MAJIN: variants seen among roughly 807,000 people sequenced by gnomAD.
MAJIN encodes the protein membrane anchored junction protein.
In MAJIN, 27 loss-of-function variants were observed where a neutral mutation model predicts 30.2. The observed-to-expected ratio is 0.89, with a 90% CI of 0.66 to 1.23. The LOEUF (loss-of-function observed/expected upper bound fraction) is 1.23. MAJIN is among the 50% of genes most tolerant of loss of function. MAJIN has a pLI of 0.00. For synonymous variants in MAJIN, 78 were observed against 91.6 expected (o/e 0.85, Z 0.85); for missense variants, 253 against 260.3 (o/e 0.97, Z 0.19).
chr11:64,969,083 A>T (rs888188173), intron 1 of MAJIN, among the ~76,000 whole-genome samples: 1 of 152,208 alleles, frequency 6.6e-6, no homozygotes, highest in Non-Finnish European at 1.5e-5. Context: ...GATGGCTCTC[A>T]GATTTTTTTG....
At chr11:64,959,767 T>A (rs902326424) in intron 2 of MAJIN, among the ~76,000 whole-genome samples, 6 of 152,228 alleles carry the variant, frequency 3.9e-5, no homozygotes, top group Non-Finnish European at 7.3e-5. Flanking sequence ...AAGTATCTCT[T>A]GAATCTGTTC....
chr11:64,939,658 T>G lies in MAJIN; in HGVS notation c.*1+4A>C. The G allele has an allele frequency of 6.2e-7, 1 of 1,613,146 alleles. No individual in the cohort carries two copies. The highest frequency in any genetic ancestry group is 8.5e-7 in the Non-Finnish European group (1 of 1,179,222). Reference sequence around the variant, plus strand: ...AGTCTGATGCCGGACAGAAGCTGTCTTACCTTAGAAACCCAAAGAAGCCGG... The same window carrying G: ...AGTCTGATGCCGGACAGAAGCTGTCGTACCTTAGAAACCCAAAGAAGCCGG... On this transcript the variant is annotated splice_donor_region_variant and intron_variant, in intron 10 of 10. Transcript: ENST00000301896.
chr11:64,941,650 C>T (rs979634526), intron 8 of MAJIN, among the ~76,000 whole-genome samples: 5 of 151,688 alleles, frequency 3.3e-5, no homozygotes, highest in African/African-American at 9.7e-5. Flanking sequence ...GACTCCATCT[C>T]GAAAAAAAGA....
chr11:64,970,893 A>G lies in MAJIN; in HGVS notation c.-65+984T>C, dbSNP rs1945889519. On this transcript the variant is annotated intron_variant, in intron 1 of 10. Coordinates refer to ENST00000301896, the MANE Select transcript of MAJIN (RefSeq NM_001037225.3). ...AAATCAAGACATGATGTGACAGGAA[A>G]TGTTTCAGTGGAAAAAATCTTGTTT... 2.6e-5 allele frequency among the ~76,000 whole-genome samples: 4 copies of G among 152,258 alleles called. No individual in the cohort carries two copies. In the South Asian group the frequency reaches 8.3e-4, roughly 32 times the overall value.
chr11:64,966,350 C>T (rs1945809355), intron 1 of MAJIN, among the ~76,000 whole-genome samples: 1 of 151,602 alleles, frequency 6.6e-6, no homozygotes, highest in Non-Finnish European at 1.5e-5. Context: ...GCCTGGCCAA[C>T]ATGGTGAAAC....
chr11:64,971,512 G>C (rs1221512522), intron 1 of MAJIN, among the ~76,000 whole-genome samples: 5 of 151,894 alleles, frequency 3.3e-5, no homozygotes, highest in Admixed American at 6.6e-5. Flanking sequence ...GCTGGGTGTG[G>C]AGTGGGGAAA....
At chr11:64,948,649 T>C (rs1281366622) in intron 6 of MAJIN, among the ~76,000 whole-genome samples, 12 of 45,588 alleles carry the variant, frequency 2.6e-4, no homozygotes, top group African/African-American at 1.3e-3. Context: ...ATTTTTTTTT[T>C]TTTTTTTTTT....
rs769403285 is a variant in MAJIN at position 64,954,657 on chromosome 11, G to A, written c.147+100C>T. On this transcript the variant is annotated intron_variant, in intron 4 of 10. Coordinates refer to ENST00000301896, the MANE Select transcript of MAJIN (RefSeq NM_001037225.3). ...TAGCAGGAGGAAGCCAAGTTATCAA[G>A]TGGAGGTTGTGACTCAGTTTGTAGG... is the stretch of plus-strand genomic sequence containing the variant. 4 of 1,174,270 alleles carry A rather than the reference G, an allele frequency of 3.4e-6. No homozygotes were observed. The African/African-American group carries it at 6.1e-5, about 18-fold the overall frequency. The allele number at this position is 1,174,270 out of a possible 1,614,324, so 72.7% of individuals were successfully genotyped here.
At chr11:64,948,615 A>T (rs1325132764) in intron 6 of MAJIN, among the ~76,000 whole-genome samples, 1 of 29,440 alleles carries the variant, frequency 3.4e-5, no homozygotes, top group African/African-American at 2.3e-4. Flanking sequence ...ATATATATAT[A>T]TATATATATA....
chr11:64,948,604 TATATATATATATA>T lies in MAJIN; in HGVS notation c.350-798_350-786del, dbSNP rs1215524456. Among the ~76,000 whole-genome samples, 168 of 21,476 alleles carry T rather than the reference TATATATATATATA, an allele frequency of 7.8e-3. 6 individuals carry two copies. Among genetic ancestry groups the T allele is most frequent in the Middle Eastern group, 0.024 (1 of 42 alleles). 14.1% of individuals were successfully genotyped at this position (21,476 alleles called of 152,430 possible). A position where few individuals can be genotyped will look rare whatever the true frequency, so the allele number is the denominator to read the frequency against. ...ACCACCACCATGTCGGGCTACATCATATATATATATATATATATATATATATATATATATATTT... is the reference window on the plus strand; with the variant it reads ...ACCACCACCATGTCGGGCTACATCATTATATATATATATATATATATATTT... On this transcript the variant is annotated intron_variant, in intron 6 of 10. Transcript: ENST00000301896.
At chr11:64,946,190 G>A (rs771254890) in intron 8 of MAJIN, 2 of 1,518,146 alleles carry the variant, frequency 1.3e-6, no homozygotes, top group East Asian at 4.9e-5. Context: ...AATGTTACTG[G>A]CAGAGGCAAT....
chr11:64,952,188 CT>C (rs903004001), intron 4 of MAJIN, among the ~76,000 whole-genome samples: 1 of 149,774 alleles, frequency 6.7e-6, no homozygotes, highest in African/African-American at 2.5e-5. Context: ...CACGCCCGGC[CT>C]TTTTTTTTGA....
At chr11:64,966,144 T>TAAAAAAAAAAAAA (rs1945804233) in intron 1 of MAJIN, among the ~76,000 whole-genome samples, 1 of 10,388 alleles carries the variant, frequency 9.6e-5, no homozygotes, top group Admixed American at 7.0e-4. Flanking sequence ...AGATTAAAAA[T>TAAAAAAAAAAAAA]GAAAAAAAAA....
intron 4 of MAJIN, among the ~76,000 whole-genome samples, 184 bp from the exon 5 acceptor site, chr11:64,950,614 C>T (rs894741727): frequency 3.9e-5 from 6 of 152,002 alleles, no homozygotes; most frequent in Non-Finnish European, 8.8e-5. Context: ...GAGAGTCGTG[C>T]TTTGTGGCCC....
chr11:64,958,763 C>T lies in MAJIN; in HGVS notation c.101+542G>A, dbSNP rs537421406. Among the ~76,000 whole-genome samples, 4 of 152,092 alleles carry T rather than the reference C, an allele frequency of 2.6e-5. No individual in the cohort carries two copies. The East Asian group carries it at 7.7e-4, about 29-fold the overall frequency. On this transcript the variant is annotated intron_variant, in intron 3 of 10. Coordinates refer to ENST00000301896, the MANE Select transcript of MAJIN (RefSeq NM_001037225.3). ...TCCCAGGTTCAAGCAATTCTCCTGCCTCAGCCTCCTACCACCATGCCTGGC... is the reference window on the plus strand; with the variant it reads ...TCCCAGGTTCAAGCAATTCTCCTGCTTCAGCCTCCTACCACCATGCCTGGC...
chr11:64,962,640 GTC>G (rs1945745505), intron 1 of MAJIN, among the ~76,000 whole-genome samples: 2 of 152,170 alleles, frequency 1.3e-5, no homozygotes. Context: ...TTAGTCATTA[GTC>G]CCTGAGCAAG....
chr11:64,943,271 C>A (rs1347674784), intron 8 of MAJIN, among the ~76,000 whole-genome samples: 1 of 152,212 alleles, frequency 6.6e-6, no homozygotes, highest in Non-Finnish European at 1.5e-5. Context: ...CTGCTCCCTC[C>A]CATTTTTTAT....
intron 3 of MAJIN, among the ~76,000 whole-genome samples, chr11:64,955,030 T>A (rs1945610556): frequency 6.6e-6 from 1 of 152,254 alleles, no homozygotes; most frequent in Admixed American, 6.5e-5. Flanking sequence ...AAATTCCCAC[T>A]GTGAAAGTTA....
At position 64,949,839 on chromosome 11, in the gene MAJIN, G is replaced by T; in HGVS notation, c.253C>A (p.Leu85Met). ...ATAATTTCCCCATGTTTGAATTTCA[G>T]GTGGGAAACTCTCTCCCATTTGCTT... Reference protein sequence around the residue: ...YKSKWERVSHLKFKHGEIILI... With the variant: ...YKSKWERVSHMKFKHGEIILI... The change falls in exon 6 of 11, where the codon CTG becomes ATG. Residue 85 changes from leucine (L) to methionine (M), a missense_variant. Coordinates refer to ENST00000301896, the MANE Select transcript of MAJIN (RefSeq NM_001037225.3). 6.2e-7 allele frequency: 1 copy of T among 1,607,644 alleles called. No homozygotes were observed. The highest frequency in any genetic ancestry group is 8.5e-7 in the Non-Finnish European group (1 of 1,179,798).
Sources: allele counts gnomAD v4.1 joint callset (sites outside exome capture counted in the v4.1 genomes callset), GRCh38; gene constraint gnomAD v4.1.1; transcripts MANE v1.5; gene names NCBI Gene and HGNC (gene_info 2026-07-23, HGNC 2026-07-21).